The following MEGF6 variants were observed in gnomAD, a reference collection of about 807,000 sequenced individuals.
MEGF6 encodes multiple epidermal growth factor-like domains protein 6.
A neutral mutation model predicts 207.1 loss-of-function variants in MEGF6; 184 were observed. The ratio of observed to expected loss-of-function variants is 0.89; its 90% CI spans 0.79 to 1.00. MEGF6 has a LOEUF of 1.00. MEGF6 is among the 50% of genes least tolerant of loss of function. MEGF6 has a pLI of 0.00. For synonymous variants in MEGF6, 1,038 were observed against 910.0 expected, an observed-to-expected ratio of 1.14 and a Z score of -2.53; for missense variants, 2,282 against 2,202.9, an observed-to-expected ratio of 1.04 and a Z score of -0.72.
intron 4 of MEGF6, among the ~76,000 whole-genome samples, chr1:3,527,836 C>T (rs879266772): frequency 4.6e-5 from 7 of 152,200 alleles, no homozygotes; most frequent in Admixed American, 6.5e-5. Flanking sequence ...CCTCCTGCTA[C>T]GTGGACAGGA....
At chr1:3,552,019 G>A (rs1000669607) in intron 4 of MEGF6, among the ~76,000 whole-genome samples, 4 of 152,138 alleles carry the variant, frequency 2.6e-5, no homozygotes, top group Admixed American at 6.5e-5. Context: ...CCAAGTCAAC[G>A]TTACCATCAG....
At position 3,494,358 on chromosome 1, in the gene MEGF6, G is replaced by T; in HGVS notation, c.4129+13C>A. On this transcript the variant is annotated intron_variant, in intron 32 of 36. Coordinates refer to ENST00000356575, the MANE Select transcript of MEGF6 (RefSeq NM_001409.4). ...AAGGGGCCCCAGCCCAGCTGCACAG[G>T]CCCCCAACTCACGGTGCTCGCAGGC... 1 of 1,537,794 alleles carries T rather than the reference G, an allele frequency of 6.5e-7. No individual in the cohort carries two copies.
chr1:3,490,881 C>G, intron 36 of MEGF6, 31 bp downstream of exon 36: 1 of 1,566,842 alleles, frequency 6.4e-7, no homozygotes, highest in Non-Finnish European at 8.7e-7. Flanking sequence ...ACCCTCCTGG[C>G]AAGCCCACGG....
intron 4 of MEGF6, among the ~76,000 whole-genome samples, chr1:3,568,305 A>C (rs926889720): frequency 5.5e-5 from 8 of 145,426 alleles, no homozygotes; most frequent in African/African-American, 2.0e-4. Context: ...GGTAAAAACC[A>C]AGGCCCCTGA....
rs142101286 is a variant in MEGF6, at chr1:3,501,659, G to A, written c.2314+137C>T. The A allele has an allele frequency of 4.8e-4, 612 of 1,262,496 alleles. 4 individuals carry two copies. The African/African-American group carries it at 8.6e-3, about 18-fold the overall frequency. 78.2% of individuals were successfully genotyped at this position (1,262,496 alleles called of 1,614,324 possible). The stretch of plus-strand genomic sequence containing the variant: ...CAGACCCCCCCTCCCTACCCCAGGG[G>A]AGTGCACTGTGAGCTCTCACACCTG... On this transcript the variant is annotated intron_variant, in intron 18 of 36. Transcript: ENST00000356575.
chr1:3,498,733 C>T lies in MEGF6; in HGVS notation c.3188G>A (p.Cys1063Tyr). 3 of 1,567,152 alleles carry T rather than the reference C, an allele frequency of 1.9e-6. No homozygotes were observed. Among genetic ancestry groups the T allele is most frequent in the Non-Finnish European group, 2.6e-6 (3 of 1,158,204 alleles). ...TCDPVSGHCA[C>Y]PEGWAGLACE... Reference sequence around the variant, plus strand: ...GGCCAGGCCGGCCCAGCCCTCTGGGCACGCACAGTGGCCTGAGACAGGGTC... The same window carrying T: ...GGCCAGGCCGGCCCAGCCCTCTGGGTACGCACAGTGGCCTGAGACAGGGTC... The change falls in exon 25 of 37, where the codon TGC (cysteine) becomes TAC (tyrosine). Residue 1063 changes from cysteine to tyrosine, a missense_variant. Coordinates refer to ENST00000356575, the MANE Select transcript of MEGF6 (RefSeq NM_001409.4).
At chr1:3,598,570 C>T (rs1162916748) in intron 2 of MEGF6, among the ~76,000 whole-genome samples, 1 of 152,196 alleles carries the variant, frequency 6.6e-6, no homozygotes, top group Non-Finnish European at 1.5e-5. Flanking sequence ...ACCACCCCCT[C>T]CATCCCCCCA....
chr1:3,517,314 C>T (rs573826072), intron 5 of MEGF6, among the ~76,000 whole-genome samples: 1 of 152,322 alleles, frequency 6.6e-6, no homozygotes, highest in East Asian at 1.9e-4. Flanking sequence ...TCCAGACAGG[C>T]AGAGCCCTGA....
chr1:3,520,957 A>C (rs1265024660), intron 5 of MEGF6, among the ~76,000 whole-genome samples: 1 of 152,096 alleles, frequency 6.6e-6, no homozygotes, highest in East Asian at 1.9e-4. Context: ...CTCTGGCCCC[A>C]TGCTGGGGAA....
chr1:3,499,549 C>A, intron 23 of MEGF6, 39 bp downstream of exon 23: 1 of 1,553,014 alleles, frequency 6.4e-7, no homozygotes, highest in Non-Finnish European at 8.7e-7. Flanking sequence ...CTGGCACCCC[C>A]TCCTGCAGCA....
intron 13 of MEGF6, 150 bp downstream of exon 13, chr1:3,508,408 T>C: frequency 1.2e-6 from 1 of 851,838 alleles, no homozygotes; most frequent in Non-Finnish European, 1.8e-6. Context: ...TCAAAGGAAT[T>C]AACAAATGGA....
intron 4 of MEGF6, among the ~76,000 whole-genome samples, chr1:3,570,987 T>C (rs1456272352): frequency 6.6e-6 from 1 of 152,148 alleles, no homozygotes; most frequent in Non-Finnish European, 1.5e-5. Flanking sequence ...TCTCCCCCTC[T>C]GAGCCGGCTC....
chr1:3,496,475 C>A (rs573481000), intron 29 of MEGF6, among the ~76,000 whole-genome samples, 180 bp downstream of exon 29: 3 of 152,378 alleles, frequency 2.0e-5, no homozygotes, highest in African/African-American at 7.2e-5. Context: ...CACATAGACA[C>A]CCCCAGCGCT....
chr1:3,493,098 C>T (rs1640439790), intron 34 of MEGF6: 6 of 365,078 alleles, frequency 1.6e-5, no homozygotes, highest in South Asian at 1.1e-4. Flanking sequence ...CAGGGCACAA[C>T]AGGCCTGAGA....
intron 4 of MEGF6, among the ~76,000 whole-genome samples, chr1:3,537,293 AC>A (rs1350732585): frequency 6.6e-6 from 1 of 152,208 alleles, no homozygotes; most frequent in Non-Finnish European, 1.5e-5. Flanking sequence ...CTGGCATGAA[AC>A]AGGGGGAAGG....
rs1351543747 is a variant in MEGF6, at chr1:3,594,386, G to A, written c.376+952C>T. 1.3e-5 allele frequency among the ~76,000 whole-genome samples: 2 copies of A among 152,178 alleles called. No individual in the cohort carries two copies. Among genetic ancestry groups the A allele is most frequent in the Non-Finnish European group, 2.9e-5 (2 of 68,028 alleles). On this transcript the variant is annotated intron_variant, in intron 3 of 36. Coordinates refer to ENST00000356575, the MANE Select transcript of MEGF6 (RefSeq NM_001409.4). This position sits in a 1 kb window ranked among gnomAD's most constrained non-coding sequence, Gnocchi z 4.2. ...TGAGGCTGCAGTGAGCTATGGTGGTGCCACTGCACTCCAGCCTGGTTGACA... is the reference window on the plus strand; with the variant it reads ...TGAGGCTGCAGTGAGCTATGGTGGTACCACTGCACTCCAGCCTGGTTGACA...
chr1:3,554,051 G>T (rs988416862), intron 4 of MEGF6, among the ~76,000 whole-genome samples: 3 of 152,190 alleles, frequency 2.0e-5, no homozygotes, highest in African/African-American at 7.2e-5. Context: ...GCTCTGTGGG[G>T]CCCACATGCC....
chr1:3,498,606 C>A, intron 25 of MEGF6, 92 bp downstream of exon 25: 1 of 1,483,382 alleles, frequency 6.7e-7, no homozygotes, highest in Non-Finnish European at 9.0e-7. Context: ...CCCCAGGGCG[C>A]TGCCCCCTGA....
chr1:3,534,969 C>G (rs995166251), intron 4 of MEGF6, among the ~76,000 whole-genome samples: 1 of 152,186 alleles, frequency 6.6e-6, no homozygotes, highest in Non-Finnish European at 1.5e-5. Context: ...TGGGCTACCA[C>G]AGCCCGTGTG....
Sources: allele counts gnomAD v4.1 joint callset (sites outside exome capture counted in the v4.1 genomes callset), GRCh38; gene constraint gnomAD v4.1.1; non-coding constraint Gnocchi (gnomAD v3.1); transcripts MANE v1.5; gene names NCBI Gene and HGNC (gene_info 2026-07-23, HGNC 2026-07-21).